RALGAPB: variants seen among roughly 807,000 people sequenced by gnomAD.
The protein encoded by RALGAPB is Ral GTPase activating protein non-catalytic subunit beta.
A neutral mutation model predicts 161.1 loss-of-function variants in RALGAPB; 25 were observed. The ratio of observed to expected loss-of-function variants is 0.16; its 90% CI spans 0.11 to 0.22. RALGAPB has a LOEUF of 0.22. Ranked by LOEUF, RALGAPB falls within the 10% of genes least tolerant of loss-of-function variation. RALGAPB has a pLI of 1.00. For missense variants in RALGAPB, 1,391 were observed against 1,815.2 expected (o/e 0.77, Z 4.25); for synonymous variants, 629 against 626.1 (o/e 1.00, Z -0.07).
rs889515462 is a variant in RALGAPB, at chr20:38,567,040, C to A, written c.3818-56C>A. ...TGGTGAGCATAATTAGTTTTAACAG[C>A]CTTGCTCCAAATAAGTGGTATGTAT... On this transcript the variant is annotated intron_variant, in intron 25 of 29. Coordinates refer to ENST00000262879, the MANE Select transcript of RALGAPB (RefSeq NM_020336.4). 2.6e-6 allele frequency: 4 copies of A among 1,567,270 alleles called. No homozygotes were observed. The African/African-American group carries it at 5.5e-5, about 21-fold the overall frequency.
At chr20:38,558,976 TC>T (rs1291286036) in intron 23 of RALGAPB, among the ~76,000 whole-genome samples, 1 of 152,234 alleles carries the variant, frequency 6.6e-6, no homozygotes, top group Non-Finnish European at 1.5e-5. Flanking sequence ...TATGCACTTG[TC>T]TATGGTAAGA....
intron 16 of RALGAPB, among the ~76,000 whole-genome samples, chr20:38,538,919 G>A (rs1433815288): frequency 2.0e-5 from 3 of 152,184 alleles, no homozygotes; most frequent in Middle Eastern, 3.4e-3. Context: ...AACATTTATC[G>A]ATATAAATAC....
intron 24 of RALGAPB, among the ~76,000 whole-genome samples, chr20:38,564,736 T>G (rs2087921120): frequency 6.6e-6 from 1 of 152,110 alleles, no homozygotes; most frequent in Non-Finnish European, 1.5e-5. Flanking sequence ...TTGAGGAAGG[T>G]GGAACATAGG....
In RALGAPB at chr20:38,515,792, C is replaced by CCTCCCA. The variant is rs1326434003; in HGVS notation, c.873-400_873-399insCTCCCA. Among the ~76,000 whole-genome samples, 67 of 152,074 alleles carry CCTCCCA rather than the reference C, an allele frequency of 4.4e-4. 1 individual carries two copies. Among genetic ancestry groups the CCTCCCA allele is most frequent in the Admixed American group, 1.2e-3 (19 of 15,260 alleles). On this transcript the variant is annotated intron_variant, in intron 6 of 29. Transcript: ENST00000262879. ...TGTTGCTCAGGCTGGAATGCATTGG[C>CCTCCCA]ATGATCATAGCTCACTGCAGCCTCG...
chr20:38,562,482 T>C (rs778133376), intron 23 of RALGAPB, 50 bp from the exon 24 acceptor site: 4 of 1,406,448 alleles, frequency 2.8e-6, no homozygotes, highest in East Asian at 4.8e-5. Flanking sequence ...TTTATTTTGA[T>C]ATATTATTTT....
intron 24 of RALGAPB, 52 bp downstream of exon 24, chr20:38,562,749 T>G (rs1186395831): frequency 1.9e-6 from 2 of 1,050,012 alleles, no homozygotes; most frequent in East Asian, 3.4e-5. Context: ...GTTAGTCTTG[T>G]TTTTTTTTTT....
At chr20:38,512,037 G>A (rs1056781416) in intron 6 of RALGAPB, among the ~76,000 whole-genome samples, 7 of 152,086 alleles carry the variant, frequency 4.6e-5, no homozygotes, top group South Asian at 2.1e-4. Flanking sequence ...AGAATTTTGC[G>A]TATCTTCTTG....
chr20:38,549,093 A>G (rs1215660552), intron 20 of RALGAPB, among the ~76,000 whole-genome samples: 1 of 152,208 alleles, frequency 6.6e-6, no homozygotes, highest in African/African-American at 2.4e-5. Flanking sequence ...AATTTTACAA[A>G]TGTAATAAAA....
rs912279589 is a variant in RALGAPB at position 38,570,085 on chromosome 20, G to A, written c.4063+89G>A. ...CTACAGGGAGTGGGCACATAAGCCTGGTGTGGCCAGGAGCTAGTCCTGGAG... is the reference window on the plus strand; with the variant it reads ...CTACAGGGAGTGGGCACATAAGCCTAGTGTGGCCAGGAGCTAGTCCTGGAG... On this transcript the variant is annotated intron_variant, in intron 27 of 29. Transcript: ENST00000262879. 6.7e-6 allele frequency: 7 copies of A among 1,046,564 alleles called. No homozygotes were observed. The East Asian group carries it at 1.2e-4, about 19-fold the overall frequency. 64.8% of individuals were successfully genotyped at this position (1,046,564 alleles called of 1,614,324 possible).
intron 6 of RALGAPB, among the ~76,000 whole-genome samples, chr20:38,514,060 T>G (rs2086054283): frequency 6.6e-6 from 1 of 152,156 alleles, no homozygotes; most frequent in Non-Finnish European, 1.5e-5. Context: ...TCAGAGTTAT[T>G]TTGGATGGCA....
In RALGAPB at chr20:38,574,784, G is replaced by T; in HGVS notation, c.4302G>T (p.Val1434=). ...IVSRRALGFL[V]RQTVINICRR... is the part of the protein sequence containing the mutation. Reference sequence around the variant, plus strand: ...CTCTCTATTTTCAAGGCTTTCTGGTGAGGCAGACTGTAATTAACATTTGTA... The same window carrying T: ...CTCTCTATTTTCAAGGCTTTCTGGTTAGGCAGACTGTAATTAACATTTGTA... The change falls in exon 30 of 30, where the codon GTG becomes GTT. Residue 1434 remains valine (V), a synonymous_variant. Coordinates refer to ENST00000262879, the MANE Select transcript of RALGAPB (RefSeq NM_020336.4). 1 of 1,613,688 alleles carries T rather than the reference G, an allele frequency of 6.2e-7. No individual in the cohort carries two copies. Among genetic ancestry groups the T allele is most frequent in the Non-Finnish European group, 8.5e-7 (1 of 1,179,602 alleles).
At chr20:38,488,163 A>T (rs2085173092) in intron 1 of RALGAPB, among the ~76,000 whole-genome samples, 1 of 152,236 alleles carries the variant, frequency 6.6e-6, no homozygotes, top group Non-Finnish European at 1.5e-5. Context: ...ATTATGTGTG[A>T]TGCCTTTATC....
At chr20:38,510,365 AT>A (rs2085904889) in intron 6 of RALGAPB, among the ~76,000 whole-genome samples, 1 of 152,122 alleles carries the variant, frequency 6.6e-6, no homozygotes, top group Non-Finnish European at 1.5e-5. Flanking sequence ...TTTATATCAG[AT>A]TCACACTCTT....
chr20:38,569,737 C>G (rs928773883), intron 26 of RALGAPB, 151 bp from the exon 27 acceptor site: 18 of 592,590 alleles, frequency 3.0e-5, no homozygotes, highest in Middle Eastern at 5.7e-4. Flanking sequence ...AGCTTTGTTG[C>G]AAATGTATAC....
At chr20:38,535,921 C>T (rs1686291458) in intron 16 of RALGAPB, among the ~76,000 whole-genome samples, 2 of 152,148 alleles carry the variant, frequency 1.3e-5, no homozygotes, top group South Asian at 2.1e-4. Context: ...CCAGCCGTTA[C>T]TTCAGTTTTT....
chr20:38,497,534 T>A lies in RALGAPB; in HGVS notation c.553+18T>A, dbSNP rs757909054. 2 of 1,591,582 alleles carry A rather than the reference T, an allele frequency of 1.3e-6. No individual in the cohort carries two copies. The highest frequency in any genetic ancestry group is 1.7e-6 in the Non-Finnish European group (2 of 1,172,956). Reference sequence around the variant, plus strand: ...TGTTCAAGGTTTGTTTATTTTTTTTTTTCTAATTTATTTCTGAGCTCCAAA... The same window carrying A: ...TGTTCAAGGTTTGTTTATTTTTTTTATTCTAATTTATTTCTGAGCTCCAAA... On this transcript the variant is annotated intron_variant, in intron 4 of 29. Transcript: ENST00000262879.
At chr20:38,492,846 G>A in intron 2 of RALGAPB, 84 bp from the exon 3 acceptor site, 2 of 1,120,538 alleles carry the variant, frequency 1.8e-6, no homozygotes, top group Non-Finnish European at 2.6e-6. Flanking sequence ...GAGGTTTTTG[G>A]CAATAAAAGA....
At chr20:38,563,600 A>G (rs931059474) in intron 24 of RALGAPB, among the ~76,000 whole-genome samples, 1 of 152,224 alleles carries the variant, frequency 6.6e-6, no homozygotes, top group African/African-American at 2.4e-5. Flanking sequence ...TCCTGAGGTC[A>G]CTGGAAAGTT....
At chr20:38,542,194 G>C (rs2145395257) in intron 18 of RALGAPB, among the ~76,000 whole-genome samples, 1 of 152,264 alleles carries the variant, frequency 6.6e-6, no homozygotes, top group East Asian at 1.9e-4. Context: ...AAGCAGAAAG[G>C]AGGAGTGGCA....
Sources: allele counts gnomAD v4.1 joint callset (sites outside exome capture counted in the v4.1 genomes callset), GRCh38; gene constraint gnomAD v4.1.1; transcripts MANE v1.5; gene names NCBI Gene and HGNC (gene_info 2026-07-23, HGNC 2026-07-21).